CERS4: variants seen among roughly 807,000 people sequenced by gnomAD.
CERS4 encodes LAG1 homolog, ceramide synthase 4.
A neutral mutation model predicts 51.8 loss-of-function variants in CERS4; 65 were observed. The observed-to-expected ratio is 1.26, with a 90% CI of 1.03 to 1.54. The LOEUF is 1.54. Ranked by LOEUF, CERS4 falls within the 40% of genes most tolerant of loss-of-function variation. The pLI, the probability that CERS4 is intolerant of heterozygous loss-of-function variation, is 0.00. For synonymous variants in CERS4, 228 were observed against 208.4 expected (o/e 1.09, Z -0.81); for missense variants, 563 against 500.4 (o/e 1.13, Z -1.19).
At chr19:8,235,136 G>A (rs184542770) in intron 2 of CERS4, among the ~76,000 whole-genome samples, 3 of 148,406 alleles carry the variant, frequency 2.0e-5, no homozygotes, top group Admixed American at 6.8e-5. Flanking sequence ...AGCCTCCCGA[G>A]TAGCTGGGAT....
chr19:8,248,927 AGTGGATAGGTGGATG>A (rs1318140578), intron 2 of CERS4, among the ~76,000 whole-genome samples: 1 of 144,392 alleles, frequency 6.9e-6, no homozygotes, highest in East Asian at 2.2e-4. Context: ...TAGATGGATG[AGTGGATAGGTGGATG>A]ATGGATAATG....
intron 2 of CERS4, among the ~76,000 whole-genome samples, chr19:8,242,498 C>T (rs895237999): frequency 1.3e-5 from 2 of 152,176 alleles, no homozygotes; most frequent in Non-Finnish European, 2.9e-5. Flanking sequence ...TGCAAAAACA[C>T]TGGCCAGCTC....
At chr19:8,236,164 C>T (rs7248003) in intron 2 of CERS4, among the ~76,000 whole-genome samples, 96,313 of 151,826 alleles carry the variant, frequency 0.63, 31,233 homozygotes, top group Non-Finnish European at 0.7. Flanking sequence ...CACTGCACTC[C>T]GGCCTGGGTG....
chr19:8,262,171 A>G lies in CERS4; in HGVS notation c.*62A>G, dbSNP rs189950277. On this transcript the variant is annotated 3_prime_UTR_variant, in exon 12 of 12. Coordinates refer to ENST00000251363, the MANE Select transcript of CERS4 (RefSeq NM_024552.3). ...CAGTGCCTTGGATATTTCTGGGGTG[A>G]CTGGACTGGCGCCCCTGGGCCACCT... 9.0e-4 allele frequency: 1,256 copies of G among 1,388,944 alleles called. 21 individuals are homozygous for G. The East Asian group carries it at 0.032, about 36-fold the overall frequency. 86.0% of individuals were successfully genotyped at this position (1,388,944 alleles called of 1,614,324 possible).
chr19:8,256,212 A>T, intron 6 of CERS4, 24 bp from the exon 7 acceptor site: 4 of 1,606,154 alleles, frequency 2.5e-6, no homozygotes, highest in Non-Finnish European at 3.4e-6. Flanking sequence ...ACCTCTGCAC[A>T]GCCTGACACC....
At chr19:8,223,073 T>A (rs534668378) in intron 2 of CERS4, among the ~76,000 whole-genome samples, 1 of 151,752 alleles carries the variant, frequency 6.6e-6, no homozygotes, top group Non-Finnish European at 1.5e-5. Context: ...GTGGCTCACA[T>A]CTATAGTCCC....
intron 9 of CERS4, 93 bp downstream of exon 9, chr19:8,257,170 G>A: frequency 1.5e-6 from 2 of 1,349,010 alleles, no homozygotes; most frequent in Non-Finnish European, 2.0e-6. Context: ...CAACCTTCCT[G>A]GGAGATGGAG....
Position 8,251,392 on chromosome 19 carries a change from C to G in CERS4, c.173+143C>G, listed in dbSNP as rs1599577740. 2.0e-5 allele frequency: 28 copies of G among 1,378,544 alleles called. No homozygotes were observed. In the South Asian group the frequency reaches 4.4e-4, roughly 22 times the overall value. 85.4% of individuals were successfully genotyped at this position (1,378,544 alleles called of 1,614,324 possible). A position where few individuals can be genotyped will look rare whatever the true frequency, so the allele number is the denominator to read the frequency against. ...GCGCGTTCCCTGGCTCCAGCCTGCCCCCAGCCGCCACCACCCACACTTCTG... is the reference window on the plus strand; with the variant it reads ...GCGCGTTCCCTGGCTCCAGCCTGCCGCCAGCCGCCACCACCCACACTTCTG... On this transcript the variant is annotated intron_variant, in intron 3 of 11. Transcript: ENST00000251363.
At chr19:8,259,952 C>A (rs2913987) in intron 10 of CERS4, among the ~76,000 whole-genome samples, 29,041 of 151,966 alleles carry the variant, frequency 0.19, 3,212 homozygotes, top group African/African-American at 0.3. Flanking sequence ...CTCTGGCTGC[C>A]ATCCTCCATG....
chr19:8,244,705 G>C (rs905222404), intron 2 of CERS4, among the ~76,000 whole-genome samples: 1 of 152,020 alleles, frequency 6.6e-6, no homozygotes, highest in South Asian at 2.1e-4. Context: ...TAGAACCAAG[G>C]GCAACGGAAC....
intron 2 of CERS4, among the ~76,000 whole-genome samples, chr19:8,244,122 A>C (rs1159596707): frequency 2.6e-5 from 4 of 152,232 alleles, no homozygotes; most frequent in Non-Finnish European, 5.9e-5. Flanking sequence ...GAAAGACCCA[A>C]CTAGCCACTG....
chr19:8,238,015 G>T (rs1968348920), intron 2 of CERS4, among the ~76,000 whole-genome samples: 1 of 151,980 alleles, frequency 6.6e-6, no homozygotes, highest in African/African-American at 2.4e-5. Flanking sequence ...CTGTCTCTGT[G>T]CGAGTAACAA....
At chr19:8,244,337 CAGAG>C (rs1455258464) in intron 2 of CERS4, among the ~76,000 whole-genome samples, 1 of 152,348 alleles carries the variant, frequency 6.6e-6, no homozygotes, top group Non-Finnish European at 1.5e-5. Flanking sequence ...GCCTGGAAGA[CAGAG>C]TGAGAGATTG....
chr19:8,234,600 C>T (rs543075195), intron 2 of CERS4, among the ~76,000 whole-genome samples: 3 of 130,260 alleles, frequency 2.3e-5, no homozygotes, highest in Non-Finnish European at 4.6e-5. Flanking sequence ...ATCCCCCAGG[C>T]AGGAGTGCAG....
rs113664506 is a variant in CERS4 at position 8,261,259 on chromosome 19, C to T, written c.849-429C>T. 2.9e-3 allele frequency: 507 copies of T among 173,288 alleles called. 1 individual carries two copies. Among genetic ancestry groups the T allele is most frequent in the Non-Finnish European group, 4.5e-3 (361 of 80,890 alleles). The allele number at this position is 173,288 out of a possible 1,614,324, so 10.7% of individuals were successfully genotyped here. A position where few individuals can be genotyped will look rare whatever the true frequency, so the allele number is the denominator to read the frequency against. On this transcript the variant is annotated intron_variant, in intron 10 of 11. Coordinates refer to ENST00000251363, the MANE Select transcript of CERS4 (RefSeq NM_024552.3). ...CCCTCTTAAACTCTGGGAGATGGAG[C>T]CCTGCTCCCTGTGTCTTCCTGGGAG...
At chr19:8,222,521 G>A (rs537929818) in intron 2 of CERS4, among the ~76,000 whole-genome samples, 16 of 149,116 alleles carry the variant, frequency 1.1e-4, no homozygotes, top group African/African-American at 3.5e-4. Context: ...TTTTTGAGAC[G>A]GAGTTTTGCT....
At chr19:8,257,144 G>T in intron 9 of CERS4, 67 bp downstream of exon 9, 1 of 1,494,404 alleles carries the variant, frequency 6.7e-7, no homozygotes, top group South Asian at 1.3e-5. Flanking sequence ...CCCCAGAGAT[G>T]AGGTCCCATT....
chr19:8,260,966 A>AAAAAC (rs1969661169), intron 10 of CERS4: 1 of 150,880 alleles, frequency 6.6e-6, no homozygotes, highest in Non-Finnish European at 1.5e-5. Flanking sequence ...AAAAAAAAAA[A>AAAAAC]AAAAAAAAAA....
At chr19:8,235,793 C>G (rs1050194476) in intron 2 of CERS4, among the ~76,000 whole-genome samples, 1 of 151,974 alleles carries the variant, frequency 6.6e-6, no homozygotes, top group Admixed American at 6.6e-5. Context: ...ACTCAGGAGG[C>G]TGAGGTGGGA....
Sources: allele counts gnomAD v4.1 joint callset (sites outside exome capture counted in the v4.1 genomes callset), GRCh38; gene constraint gnomAD v4.1.1; transcripts MANE v1.5; gene names NCBI Gene and HGNC (gene_info 2026-07-23, HGNC 2026-07-21).